Variants in BTAF1 observed in about 807,000 individuals in gnomAD.
BTAF1 encodes TATA-binding protein-associated factor 172.
A neutral mutation model predicts 227.1 loss-of-function variants in BTAF1; 38 were observed. The observed-to-expected ratio is 0.17, with a 90% confidence interval of 0.13 to 0.22. BTAF1 has a LOEUF of 0.22. BTAF1 is among the 10% of genes least tolerant of loss of function. The pLI, the probability that BTAF1 is intolerant of heterozygous loss-of-function variation, is 1.00. For missense variants in BTAF1, 1,598 were observed against 2,204.0 expected, an observed-to-expected ratio of 0.73 and a Z score of 5.51; for synonymous variants, 742 against 751.9, an observed-to-expected ratio of 0.99 and a Z score of 0.21.
At chr10:91,976,204 TGGAA>T (rs1447730968) in intron 14 of BTAF1, among the ~76,000 whole-genome samples, 1 of 152,200 alleles carries the variant, frequency 6.6e-6, no homozygotes, top group African/African-American at 2.4e-5. Context: ...AACAGCCAGA[TGGAA>T]GGAGATGCAC....
At chr10:91,947,574 TA>T (rs1845456834) in intron 4 of BTAF1, among the ~76,000 whole-genome samples, 1 of 152,188 alleles carries the variant, frequency 6.6e-6, no homozygotes. Flanking sequence ...TGTCTATTCT[TA>T]CGCGAGTACC....
chr10:91,981,022 G>T (rs1848027946), intron 15 of BTAF1, among the ~76,000 whole-genome samples: 1 of 151,996 alleles, frequency 6.6e-6, no homozygotes, highest in South Asian at 2.1e-4. Flanking sequence ...TAGCATTTAT[G>T]GGGGGAAATG....
intron 35 of BTAF1, among the ~76,000 whole-genome samples, 161 bp from the exon 36 acceptor site, chr10:92,026,431 G>A (rs1017991981): frequency 2.0e-5 from 3 of 152,066 alleles, no homozygotes; most frequent in Non-Finnish European, 2.9e-5. Flanking sequence ...TACTAAAAAC[G>A]TTATACATAT....
At chr10:91,962,289 T>C (rs1260054774) in intron 11 of BTAF1, among the ~76,000 whole-genome samples, 1 of 143,358 alleles carries the variant, frequency 7.0e-6, no homozygotes, top group African/African-American at 2.4e-5. Flanking sequence ...CTAGAAGCAA[T>C]AGGCTGTGTC....
intron 21 of BTAF1, 42 bp from the exon 22 acceptor site, chr10:91,993,652 T>A (rs1014126859): frequency 7.3e-7 from 1 of 1,360,900 alleles, no homozygotes; most frequent in Non-Finnish European, 9.6e-7. Context: ...TGTATTATGA[T>A]TTTTTCTGAA....
In BTAF1 at chr10:91,923,894, G is replaced by A. The variant is rs1319354376; in HGVS notation, c.-183G>A. The A allele has an allele frequency of 3.1e-6, 2 of 636,782 alleles. No homozygotes were observed. The highest frequency in any genetic ancestry group is 2.4e-6 in the Non-Finnish European group (1 of 413,608). 39.4% of individuals were successfully genotyped at this position (636,782 alleles called of 1,614,324 possible). ...GGACCCCTGCTTACCGGCCGCCGCG[G>A]GGACGAGCTCGGGTAGGCGGCAGGG... On this transcript the variant is annotated 5_prime_UTR_variant, in exon 1 of 38. Coordinates refer to ENST00000265990, the MANE Select transcript of BTAF1 (RefSeq NM_003972.3).
intron 20 of BTAF1, 89 bp from the exon 21 acceptor site, chr10:91,992,030 T>C: frequency 8.8e-7 from 1 of 1,134,344 alleles, no homozygotes; most frequent in East Asian, 2.6e-5. Flanking sequence ...AAAGACATAG[T>C]TTAAAAATGT....
At chr10:92,001,382 G>A (rs1032969576) in intron 25 of BTAF1, among the ~76,000 whole-genome samples, 1 of 152,174 alleles carries the variant, frequency 6.6e-6, no homozygotes, top group South Asian at 2.1e-4. Flanking sequence ...AAGAGTCACT[G>A]TGGAAAGGAG....
chr10:92,024,597 T>C lies in BTAF1; in HGVS notation c.4864-159T>C, dbSNP rs181993483. On this transcript the variant is annotated intron_variant, in intron 34 of 37. Transcript: ENST00000265990. ...CTGAGCACCTCAAAAACTAGTTCAG[T>C]GTGCTGCAGGGTGACAGATTGCAGC... Among the ~76,000 whole-genome samples the C allele has an allele frequency of 2.6e-5, 4 of 152,316 alleles. No homozygotes were observed. In the East Asian group the frequency reaches 5.8e-4, roughly 22 times the overall value.
chr10:91,994,467 A>G (rs537911818), intron 22 of BTAF1, 68 bp from the exon 23 acceptor site: 1 of 1,218,118 alleles, frequency 8.2e-7, no homozygotes, highest in Non-Finnish European at 1.2e-6. Context: ...AAAAGTGCTA[A>G]AAGTTTTTGT....
Position 92,031,295 on chromosome 10 carries a change from T to G in BTAF1, c.*2362T>G, listed in dbSNP as rs1239685186. Among the ~76,000 whole-genome samples the G allele has an allele frequency of 6.6e-6, 1 of 152,218 alleles. No individual in the cohort carries two copies. The highest frequency in any genetic ancestry group is 1.9e-4 in the East Asian group (1 of 5,204). On this transcript the variant is annotated 3_prime_UTR_variant, in exon 38 of 38. Coordinates refer to ENST00000265990, the MANE Select transcript of BTAF1 (RefSeq NM_003972.3). The stretch of plus-strand genomic sequence containing the variant: ...ATGCTTATTGTATATGCTTATTTAT[T>G]CTACAAACATTTCTCCAAAAAGTAT...
Position 91,964,136 on chromosome 10 carries a change from T to C in BTAF1, c.1464T>C (p.Ala488=). 1 of 1,612,962 alleles carries C rather than the reference T, an allele frequency of 6.2e-7. No individual in the cohort carries two copies. Among genetic ancestry groups the C allele is most frequent in the Non-Finnish European group, 8.5e-7 (1 of 1,179,218 alleles). Residue 488 remains alanine, a synonymous_variant, in exon 13 of 38, where the codon GCT becomes GCC. Coordinates refer to ENST00000265990, the MANE Select transcript of BTAF1 (RefSeq NM_003972.3). ...TTCTGGAATTAGATGATCTAACAGCTTCAACAAATAGTATTATGACTCTCC... is the reference window on the plus strand; with the variant it reads ...TTCTGGAATTAGATGATCTAACAGCCTCAACAAATAGTATTATGACTCTCC... ...DALLELDDLT[A]STNSIMTLLS... is the part of the protein sequence containing the mutation.
At chr10:92,005,143 T>C (rs1849794625) in intron 25 of BTAF1, among the ~76,000 whole-genome samples, 1 of 152,248 alleles carries the variant, frequency 6.6e-6, no homozygotes, top group South Asian at 2.1e-4. Context: ...ACCTTTGTAG[T>C]ATATTTTGAA....
Position 91,989,279 on chromosome 10 carries a change from G to A in BTAF1, c.2553G>A (p.Val851=), listed in dbSNP as rs1261922507. ...CAGAGACCAACCAGGAGTGGCAAGT[G>A]TTGCAGTTGAGAGTGCATACTTTTG... The part of the protein sequence containing the change: ...TVTETNQEWQ[V]LQLRVHTFAA... Residue 851 remains valine (V), a synonymous_variant, in exon 20 of 38, where the codon GTG becomes GTA. Coordinates refer to ENST00000265990, the MANE Select transcript of BTAF1 (RefSeq NM_003972.3). 1 of 1,614,218 alleles carries A rather than the reference G, an allele frequency of 6.2e-7. No individual in the cohort carries two copies. The highest frequency in any genetic ancestry group is 1.3e-5 in the African/African-American group (1 of 75,048).
At chr10:91,951,673 A>T in intron 5 of BTAF1, 107 bp downstream of exon 5, 1 of 1,193,164 alleles carries the variant, frequency 8.4e-7, no homozygotes, top group Non-Finnish European at 1.1e-6. Flanking sequence ...AGCTCTGTTC[A>T]TTGCTGCTTA....
chr10:91,999,313 T>G (rs1220530878), intron 25 of BTAF1, among the ~76,000 whole-genome samples: 1 of 152,182 alleles, frequency 6.6e-6, no homozygotes, highest in African/African-American at 2.4e-5. Context: ...TTTGGTTATA[T>G]CTGGTAAAAT....
At chr10:91,938,552 CT>C (rs1589755049) in intron 2 of BTAF1, among the ~76,000 whole-genome samples, 1 of 152,274 alleles carries the variant, frequency 6.6e-6, no homozygotes, top group East Asian at 1.9e-4. Context: ...GTCTCAACAC[CT>C]TTGTTGAAAA....
chr10:91,994,778 A>T, intron 23 of BTAF1, 134 bp downstream of exon 23: 12 of 696,246 alleles, frequency 1.7e-5, no homozygotes, highest in Non-Finnish European at 2.8e-5. Context: ...GTATAACTAG[A>T]TTCCTCCTTT....
rs1224801261 is a variant in BTAF1 at position 92,029,308 on chromosome 10, T to A, written c.*375T>A. 6.5e-6 allele frequency: 1 copy of A among 154,508 alleles called. No homozygotes were observed. Among genetic ancestry groups the A allele is most frequent in the African/African-American group, 2.4e-5 (1 of 41,528 alleles). 9.6% of individuals were successfully genotyped at this position (154,508 alleles called of 1,614,324 possible). A position where few individuals can be genotyped will look rare whatever the true frequency, so the allele number is the denominator to read the frequency against. ...GTTTGTATATGTTTTTTCTTTTAAATAGAACTTGTTTTTATAATTGATTTA... is the reference window on the plus strand; with the variant it reads ...GTTTGTATATGTTTTTTCTTTTAAAAAGAACTTGTTTTTATAATTGATTTA... On this transcript the variant is annotated 3_prime_UTR_variant, in exon 38 of 38. Coordinates refer to ENST00000265990, the MANE Select transcript of BTAF1 (RefSeq NM_003972.3).
Sources: gnomAD v4.1 joint callset for allele counts (sites outside exome capture counted in the v4.1 genomes callset) on GRCh38, gnomAD v4.1.1 for gene constraint, MANE v1.5 for transcripts, NCBI Gene and HGNC (gene_info 2026-07-23, HGNC 2026-07-21) for gene names.